Variants in SH3PXD2A observed in about 807,000 individuals in gnomAD.
SH3PXD2A encodes SH3 and PX domains 2A.
Under a neutral mutation model 115.2 loss-of-function variants are expected in SH3PXD2A, and 32 were observed. The ratio of observed to expected loss-of-function variants is 0.28; its 90% CI spans 0.21 to 0.37. The LOEUF is 0.37. SH3PXD2A is among the 10% of genes least tolerant of loss of function. The pLI is 1.00. For missense variants in SH3PXD2A, 1,328 were observed against 1,498.7 expected, an observed-to-expected ratio of 0.89 and a Z score of 1.88; for synonymous variants, 610 against 629.1, an observed-to-expected ratio of 0.97 and a Z score of 0.45.
chr10:103,649,478 A>C (rs1198478964), intron 8 of SH3PXD2A, among the ~76,000 whole-genome samples: 1 of 152,226 alleles, frequency 6.6e-6, no homozygotes, highest in Non-Finnish European at 1.5e-5. Flanking sequence ...CCAAGTGGCT[A>C]TTCCTTGACC....
chr10:103,697,610 A>G (rs935745304), intron 5 of SH3PXD2A, among the ~76,000 whole-genome samples: 22 of 152,248 alleles, frequency 1.4e-4, no homozygotes, highest in African/African-American at 5.3e-4. Flanking sequence ...GGACCCCTCT[A>G]TTAGGACACA....
rs909133934 is a variant in SH3PXD2A, at chr10:103,791,552, C to T, written c.153+9730G>A. Among the ~76,000 whole-genome samples, 3 of 152,096 alleles carry T rather than the reference C, an allele frequency of 2.0e-5. No homozygotes were observed. The South Asian group carries it at 6.2e-4, about 32-fold the overall frequency. On this transcript the variant is annotated intron_variant, in intron 2 of 14. Transcript: ENST00000369774. The stretch of plus-strand genomic sequence containing the variant: ...GGAGAGTTCTCCTGAGGGCAGGCCC[C>T]GAGGCGGTGATTCTCAGGGCCTGAG...
In SH3PXD2A at chr10:103,683,435, C is replaced by T. The variant is rs563094635; in HGVS notation, c.427+9593G>A. Reference sequence around the variant, plus strand: ...AGGCTGAGGCACGAGAGCTGAGAAGCGGAGGTTGCAGTAAATCGAGATTGG... The same window carrying T: ...AGGCTGAGGCACGAGAGCTGAGAAGTGGAGGTTGCAGTAAATCGAGATTGG... On this transcript the variant is annotated intron_variant, in intron 6 of 14. Transcript: ENST00000369774. Among the ~76,000 whole-genome samples, 12 of 152,150 alleles carry T rather than the reference C, an allele frequency of 7.9e-5. No homozygotes were observed. In the South Asian group the frequency reaches 1.9e-3, roughly 24 times the overall value.
intron 3 of SH3PXD2A, among the ~76,000 whole-genome samples, chr10:103,752,609 C>T (rs1182959588): frequency 6.6e-6 from 1 of 152,186 alleles, no homozygotes; most frequent in Non-Finnish European, 1.5e-5. Context: ...TCCTCCCTCA[C>T]CAAGTTTTAG....
chr10:103,830,755 T>G (rs1266254846), intron 1 of SH3PXD2A, among the ~76,000 whole-genome samples: 1 of 152,146 alleles, frequency 6.6e-6, no homozygotes, highest in Non-Finnish European at 1.5e-5. Flanking sequence ...CATAACACCA[T>G]GTATATAGAT....
At chr10:103,607,753 G>A (rs911417342) in intron 13 of SH3PXD2A, among the ~76,000 whole-genome samples, 2 of 152,054 alleles carry the variant, frequency 1.3e-5, no homozygotes, top group East Asian at 1.9e-4. Flanking sequence ...GATGGTTGCC[G>A]CGTCTGTGTA....
At chr10:103,842,817 C>T (rs1055104021) in intron 1 of SH3PXD2A, among the ~76,000 whole-genome samples, 3 of 152,144 alleles carry the variant, frequency 2.0e-5, no homozygotes, top group Admixed American at 6.5e-5. Flanking sequence ...GTGTTCCCAG[C>T]GCTTGACACA....
At chr10:103,795,053 G>T (rs958709711) in intron 2 of SH3PXD2A, among the ~76,000 whole-genome samples, 2 of 152,172 alleles carry the variant, frequency 1.3e-5, no homozygotes, top group African/African-American at 2.4e-5. Context: ...GTTCAAAGTT[G>T]TCTAAGCTAC....
intron 4 of SH3PXD2A, among the ~76,000 whole-genome samples, chr10:103,726,221 A>G (rs544011401): frequency 6.6e-6 from 1 of 152,246 alleles, no homozygotes; most frequent in Non-Finnish European, 1.5e-5. Flanking sequence ...TCTATAAGAC[A>G]GGACCCTGTC....
chr10:103,603,634 G>A lies in SH3PXD2A; in HGVS notation c.1584C>T (p.Pro528=), dbSNP rs1329019848. 1 of 1,602,900 alleles carries A rather than the reference G, an allele frequency of 6.2e-7. No homozygotes were observed. The highest frequency in any genetic ancestry group is 1.7e-5 in the Admixed American group (1 of 59,124). ...TRPKVPPPAP[P]SKPKEAEEGP... ...CCTCCTCGGCCTCCTTGGGCTTGCT[G>A]GGGGGTGCTGGCGGGGGCACCTTGG... The change falls in exon 15 of 15, where the codon CCC becomes CCT. Residue 528 remains proline, a synonymous_variant. Coordinates refer to ENST00000369774, the MANE Select transcript of SH3PXD2A (RefSeq NM_001394015.1).
intron 1 of SH3PXD2A, among the ~76,000 whole-genome samples, chr10:103,837,755 C>G (rs1190102943): frequency 6.6e-6 from 1 of 152,180 alleles, no homozygotes; most frequent in Non-Finnish European, 1.5e-5. Context: ...CCAGCAGCAC[C>G]CCTCAGAGAA....
At chr10:103,851,863 C>A (rs61861136) in intron 1 of SH3PXD2A, among the ~76,000 whole-genome samples, 14 of 152,180 alleles carry the variant, frequency 9.2e-5, no homozygotes, top group Admixed American at 6.5e-4. Context: ...AGTGCAATAC[C>A]TCCCAAATCC....
In SH3PXD2A at chr10:103,731,757, C is replaced by T. The variant is rs191907184; in HGVS notation, c.306+3975G>A. On this transcript the variant is annotated intron_variant, in intron 4 of 14. Coordinates refer to ENST00000369774, the MANE Select transcript of SH3PXD2A (RefSeq NM_001394015.1). ...AATGATTGGCTGTGGTGGAAAATCC[C>T]ACAGTGGAAGGGAGAATACCTGGGA... 3.4e-3 allele frequency among the ~76,000 whole-genome samples: 514 copies of T among 152,286 alleles called. 2 individuals carry two copies. Among genetic ancestry groups the T allele is most frequent in the Admixed American group, 9.4e-3 (143 of 15,292 alleles).
rs2037376182 is a variant in SH3PXD2A at position 103,665,776 on chromosome 10, T to A, written c.472+2832A>T. On this transcript the variant is annotated intron_variant, in intron 7 of 14. Coordinates refer to ENST00000369774, the MANE Select transcript of SH3PXD2A (RefSeq NM_001394015.1). The surrounding 1 kb of genome is among the most constrained non-coding windows in gnomAD (Gnocchi z 4.0). ...TGCAGAACTAGGGGCTGGAGGAGTC[T>A]GCCTGAGTGGGGAGGGGGCAGTGGA... Among the ~76,000 whole-genome samples, 1 of 152,202 alleles carries A rather than the reference T, an allele frequency of 6.6e-6. No homozygotes were observed. Among genetic ancestry groups the A allele is most frequent in the Non-Finnish European group, 1.5e-5 (1 of 68,018 alleles).
intron 7 of SH3PXD2A, among the ~76,000 whole-genome samples, chr10:103,663,490 G>A (rs1054327244): frequency 6.6e-6 from 1 of 152,224 alleles, no homozygotes; most frequent in Non-Finnish European, 1.5e-5. Context: ...CCATCAGTCT[G>A]GTTCTTCTAG....
At chr10:103,648,500 C>T (rs941441172) in intron 8 of SH3PXD2A, among the ~76,000 whole-genome samples, 16 of 152,218 alleles carry the variant, frequency 1.1e-4, no homozygotes, top group Non-Finnish European at 1.9e-4. Flanking sequence ...CCTGGAACCC[C>T]GCAGCCCAGC....
intron 6 of SH3PXD2A, among the ~76,000 whole-genome samples, chr10:103,672,724 T>G (rs992043012): frequency 2.0e-5 from 3 of 152,174 alleles, no homozygotes; most frequent in Non-Finnish European, 4.4e-5. Context: ...AAGACTGAAA[T>G]GGCCTAATGC....
Position 103,674,450 on chromosome 10 carries a change from C to T in SH3PXD2A, c.428-5798G>A, listed in dbSNP as rs541837909. The stretch of plus-strand genomic sequence containing the variant: ...ATGCTCAGAGCAGCAGAAGCTGAGG[C>T]GTAACAGTGAAAGCCACGTGAATGT... On this transcript the variant is annotated intron_variant, in intron 6 of 14. Transcript: ENST00000369774. 9.9e-5 allele frequency among the ~76,000 whole-genome samples: 15 copies of T among 152,252 alleles called. No homozygotes were observed. The South Asian group carries it at 2.9e-3, about 29-fold the overall frequency.
At chr10:103,679,172 G>T (rs1346149923) in intron 6 of SH3PXD2A, among the ~76,000 whole-genome samples, 1 of 152,176 alleles carries the variant, frequency 6.6e-6, no homozygotes, top group Non-Finnish European at 1.5e-5. Flanking sequence ...CCCCAGCCCC[G>T]TGCAGCACTT....
Sources: allele counts gnomAD v4.1 joint callset (sites outside exome capture counted in the v4.1 genomes callset), GRCh38; gene constraint gnomAD v4.1.1; non-coding constraint Gnocchi (gnomAD v3.1); transcripts MANE v1.5; gene names NCBI Gene and HGNC (gene_info 2026-07-23, HGNC 2026-07-21).